The following ALMS1 variants were observed in gnomAD, a reference collection of about 807,000 sequenced individuals.
ALMS1 encodes the protein centrosome-associated protein ALMS1.
Under a neutral mutation model 352.2 loss-of-function variants are expected in ALMS1, and 271 were observed. The observed-to-expected ratio is 0.77, with a 90% CI of 0.70 to 0.85. ALMS1 has a LOEUF of 0.85. Among genes scored for constraint, ALMS1 ranks in the 40% least tolerant of loss-of-function variants. The pLI, the probability that ALMS1 is intolerant of heterozygous loss-of-function variation, is 0.00. For missense variants in ALMS1, 5,445 were observed against 4,870.7 expected (o/e 1.12, Z -3.51); for synonymous variants, 1,865 against 1,761.2 (o/e 1.06, Z -1.48).
At chr2:73,599,237 A>G (rs780676218) in intron 16 of ALMS1, among the ~76,000 whole-genome samples, 164 bp from the exon 17 acceptor site, 5 of 152,138 alleles carry the variant, frequency 3.3e-5, no homozygotes, top group Admixed American at 2.6e-4. Flanking sequence ...CATTCTCCCT[A>G]TCACAGATAC....
intron 15 of ALMS1, among the ~76,000 whole-genome samples, chr2:73,566,196 A>C (rs1442938555): frequency 1.3e-5 from 2 of 152,248 alleles, no homozygotes; most frequent in Non-Finnish European, 2.9e-5. Flanking sequence ...ACATTAAAAC[A>C]GGTGGATAGA....
chr2:73,438,183 G>A (rs575322603), intron 7 of ALMS1, among the ~76,000 whole-genome samples: 5 of 152,262 alleles, frequency 3.3e-5, no homozygotes, highest in Admixed American at 6.5e-5. Context: ...TGAAGAGGAG[G>A]CAAAAGAAAG....
intron 12 of ALMS1, among the ~76,000 whole-genome samples, chr2:73,543,903 T>G (rs910461045): frequency 2.0e-5 from 3 of 152,146 alleles, no homozygotes; most frequent in Admixed American, 6.5e-5. Context: ...AAGAACACTT[T>G]TACACTGTTG....
chr2:73,485,150 T>G (rs1007356840), intron 9 of ALMS1, among the ~76,000 whole-genome samples: 6 of 152,260 alleles, frequency 3.9e-5, no homozygotes, highest in African/African-American at 1.4e-4. Flanking sequence ...GGAGAGGTGC[T>G]CTGCTTTTTA....
intron 10 of ALMS1, among the ~76,000 whole-genome samples, chr2:73,501,521 T>C (rs1673218161): frequency 6.6e-6 from 1 of 152,154 alleles, no homozygotes; most frequent in South Asian, 2.1e-4. Flanking sequence ...TCATTTTCTT[T>C]CCTAGGAATA....
chr2:73,434,068 A>AT (rs1671563556), intron 7 of ALMS1, among the ~76,000 whole-genome samples: 1 of 150,720 alleles, frequency 6.6e-6, no homozygotes, highest in Non-Finnish European at 1.5e-5. Context: ...TGGTTTCTTT[A>AT]TTTTTTTCTA....
intron 16 of ALMS1, among the ~76,000 whole-genome samples, chr2:73,596,082 T>C (rs1675540165): frequency 6.6e-6 from 1 of 152,234 alleles, no homozygotes; most frequent in South Asian, 2.1e-4. Context: ...GGCTTTTGAA[T>C]TGCAAATGGT....
At position 73,450,457 on chromosome 2, in the gene ALMS1, T is replaced by C. The variant is rs1558649057; in HGVS notation, c.3930T>C (p.Ala1310=). Residue 1310 remains alanine, a synonymous_variant, in exon 8 of 23, where the codon GCT becomes GCC. Transcript: ENST00000613296. ...CAAGTAGTCATCTAACTGAAGAGGC[T>C]AAGAATGTTTCAGCGGTTCCTGGAC... ...SLPSSHLTEE[A]KNVSAVPGPA... is the part of the protein sequence containing the mutation. 1 of 1,612,408 alleles carries C rather than the reference T, an allele frequency of 6.2e-7. No homozygotes were observed. Among genetic ancestry groups the C allele is most frequent in the Non-Finnish European group, 8.5e-7 (1 of 1,179,620 alleles).
chr2:73,603,644 GA>G (rs1675749973), intron 21 of ALMS1: 1 of 313,380 alleles, frequency 3.2e-6, no homozygotes, highest in Admixed American at 4.5e-5. Context: ...CAGATCACAT[GA>G]GGTTAGGAGT....
At chr2:73,468,031 T>TA (rs1209370613) in intron 9 of ALMS1, among the ~76,000 whole-genome samples, 2 of 151,938 alleles carry the variant, frequency 1.3e-5, no homozygotes, top group Non-Finnish European at 2.9e-5. Flanking sequence ...TCATCACATA[T>TA]AAAAAATAAA....
intron 6 of ALMS1, among the ~76,000 whole-genome samples, chr2:73,431,055 C>CT (rs1671489743): frequency 6.6e-6 from 1 of 151,988 alleles, no homozygotes; most frequent in Non-Finnish European, 1.5e-5. Context: ...TTGGATAATT[C>CT]TTTGTTATGG....
At chr2:73,440,050 G>T (rs1019370270) in intron 7 of ALMS1, among the ~76,000 whole-genome samples, 2 of 151,818 alleles carry the variant, frequency 1.3e-5, no homozygotes, top group Admixed American at 1.3e-4. Context: ...GTGCTATCTC[G>T]GCTCACTGCA....
intron 1 of ALMS1, among the ~76,000 whole-genome samples, chr2:73,396,310 A>G (rs1670759395): frequency 7.0e-6 from 1 of 142,800 alleles, no homozygotes; most frequent in Admixed American, 6.8e-5. Flanking sequence ...AAATACACAC[A>G]CACACACACA....
intron 9 of ALMS1, among the ~76,000 whole-genome samples, chr2:73,473,070 T>A (rs1184145554): frequency 6.6e-6 from 1 of 152,078 alleles, no homozygotes; most frequent in East Asian, 1.9e-4. Flanking sequence ...TTGAGAATGC[T>A]ACGTACATGC....
Position 73,453,111 on chromosome 2 carries a change from A to C in ALMS1, c.6584A>C (p.His2195Pro). The C allele has an allele frequency of 6.2e-7, 1 of 1,614,054 alleles. No homozygotes were observed. Among genetic ancestry groups the C allele is most frequent in the Non-Finnish European group, 8.5e-7 (1 of 1,179,980 alleles). Reference sequence around the variant, plus strand: ...GGTACTTACTCACATGGTGAGAATCACAAGCTTGTTTCAGAACATGTCCAA... The same window carrying C: ...GGTACTTACTCACATGGTGAGAATCCCAAGCTTGTTTCAGAACATGTCCAA... ...PSGTYSHGEN[H>P]KLVSEHVQRL... Residue 2195 changes from histidine to proline, a missense_variant, in exon 8 of 23, where the codon CAC becomes CCC. Coordinates refer to ENST00000613296, the MANE Select transcript of ALMS1 (RefSeq NM_001378454.1).
Position 73,386,198 on chromosome 2 carries a change from G to A in ALMS1, c.324+6G>A, listed in dbSNP as rs1449378171. 2.6e-6 allele frequency: 4 copies of A among 1,529,442 alleles called. No homozygotes were observed. Among genetic ancestry groups the A allele is most frequent in the South Asian group, 1.2e-5 (1 of 82,720 alleles). 94.7% of individuals were successfully genotyped at this position (1,529,442 alleles called of 1,614,324 possible). On this transcript the variant is annotated splice_donor_region_variant and intron_variant, in intron 1 of 22. Transcript: ENST00000613296. ...AGCGGACCTCCCTGGAGAAGGTGAG[G>A]CGGGCCGGGGAGGGGTGTGGAGCCG... is the stretch of plus-strand genomic sequence containing the variant.
Position 73,534,837 on chromosome 2 carries a change from A to G in ALMS1, c.9795A>G (p.Leu3265=). The part of the protein sequence containing the change: ...FSRGTDGQPL[L]LPYKPSGSTK... ...TTACCTCCTTAGGCCAGCCTTTATT[A>G]TTGCCATATAAGCCTTCTGGTAGTA... Residue 3265 remains leucine (L), a synonymous_variant, in exon 12 of 23, where the codon TTA becomes TTG. Coordinates refer to ENST00000613296, the MANE Select transcript of ALMS1 (RefSeq NM_001378454.1). The G allele has an allele frequency of 6.2e-7, 1 of 1,613,514 alleles. No homozygotes were observed. Among genetic ancestry groups the G allele is most frequent in the Non-Finnish European group, 8.5e-7 (1 of 1,179,554 alleles).
intron 14 of ALMS1, among the ~76,000 whole-genome samples, chr2:73,557,946 A>G (rs1039868023): frequency 6.6e-6 from 1 of 152,222 alleles, no homozygotes; most frequent in African/African-American, 2.4e-5. Context: ...TATCGGAACA[A>G]AGCTGTTGCT....
In ALMS1 at chr2:73,572,636, A is replaced by G; in HGVS notation, c.10759A>G (p.Thr3587Ala). ...ISDPQRDQKV[T>A]PEQTTQHTVS... ...TGATCCACAAAGGGATCAGAAGGTC[A>G]CCCCAGAGCAAACAACTCAGCACAC... Residue 3587 changes from threonine (T) to alanine (A), a missense_variant, in exon 16 of 23, where the codon ACC becomes GCC. Physicochemically the swap from Thr to Ala is moderately conservative, Grantham distance 58. Coordinates refer to ENST00000613296, the MANE Select transcript of ALMS1 (RefSeq NM_001378454.1). 6.2e-7 allele frequency: 1 copy of G among 1,614,064 alleles called. No individual in the cohort carries two copies. Among genetic ancestry groups the G allele is most frequent in the African/African-American group, 1.3e-5 (1 of 75,048 alleles).
Sources: gnomAD v4.1 joint callset for allele counts (sites outside exome capture counted in the v4.1 genomes callset) on GRCh38, gnomAD v4.1.1 for gene constraint, MANE v1.5 for transcripts, NCBI Gene and HGNC (gene_info 2026-07-23, HGNC 2026-07-21) for gene names.